The following GNA14 variants were observed in gnomAD, a reference collection of about 807,000 sequenced individuals.
GNA14 encodes the protein G protein subunit alpha 14, also known as guanine nucleotide-binding protein subunit alpha-14.
GNA14 carries 50 observed loss-of-function variants against 42.0 expected under a neutral mutation model. The observed-to-expected ratio is 1.19, with a 90% CI of 0.95 to 1.51. The LOEUF (loss-of-function observed/expected upper bound fraction) is 1.51, where lower values mean the gene tolerates loss of function less well. GNA14 is among the 40% of genes most tolerant of loss of function. GNA14 has a pLI of 0.00. For synonymous variants in GNA14, 173 were observed against 163.1 expected (o/e 1.06, Z -0.46); for missense variants, 473 against 446.2 (o/e 1.06, Z -0.54).
intron 1 of GNA14, among the ~76,000 whole-genome samples, chr9:77,530,724 C>G (rs781737494): frequency 6.6e-6 from 1 of 152,208 alleles, no homozygotes; most frequent in Admixed American, 6.5e-5. Context: ...ACACACTGAA[C>G]CTCAAACCTC....
chr9:77,507,522 C>T (rs1837091352), intron 2 of GNA14, among the ~76,000 whole-genome samples: 2 of 152,194 alleles, frequency 1.3e-5, no homozygotes, highest in Admixed American at 1.3e-4. Flanking sequence ...CAACTGAACC[C>T]CCGAGCATCA....
intron 2 of GNA14, among the ~76,000 whole-genome samples, chr9:77,452,734 A>T (rs1224576350): frequency 7.7e-6 from 1 of 130,238 alleles, no homozygotes; most frequent in Non-Finnish European, 1.7e-5. Flanking sequence ...CAAAATCCAT[A>T]CGTTGAACTC....
intron 1 of GNA14, among the ~76,000 whole-genome samples, chr9:77,645,627 C>T (rs958756528): frequency 1.3e-5 from 2 of 152,124 alleles, no homozygotes; most frequent in Non-Finnish European, 2.9e-5. Context: ...AGAAGACCCT[C>T]GGGTCACCCT....
chr9:77,593,224 C>T (rs770552326), intron 1 of GNA14, among the ~76,000 whole-genome samples: 1 of 152,126 alleles, frequency 6.6e-6, no homozygotes, highest in Non-Finnish European at 1.5e-5. Context: ...ATGTTATTCC[C>T]TTAGAATCAC....
intron 1 of GNA14, among the ~76,000 whole-genome samples, chr9:77,564,264 T>C (rs559645131): frequency 2.0e-5 from 3 of 150,558 alleles, no homozygotes; most frequent in African/African-American, 4.9e-5. Context: ...TTTGATTCAA[T>C]TGATCTGCAG....
intron 1 of GNA14, among the ~76,000 whole-genome samples, chr9:77,558,398 CCTTT>C: frequency 6.6e-6 from 1 of 152,192 alleles, no homozygotes; most frequent in South Asian, 2.1e-4. Flanking sequence ...TTGCTTCAAA[CCTTT>C]ATTTTGAAGA....
chr9:77,448,276 T>A (rs1260059823), intron 2 of GNA14, among the ~76,000 whole-genome samples: 1 of 152,228 alleles, frequency 6.6e-6, no homozygotes, highest in Admixed American at 6.5e-5. Context: ...TCATGATGGT[T>A]TGACTGAACG....
intron 1 of GNA14, among the ~76,000 whole-genome samples, chr9:77,542,770 G>A (rs572123846): frequency 6.6e-6 from 1 of 152,338 alleles, no homozygotes; most frequent in South Asian, 2.1e-4. Flanking sequence ...CCCAACCTCA[G>A]ACCCTGGGAG....
At chr9:77,642,630 G>A (rs1473998644) in intron 1 of GNA14, among the ~76,000 whole-genome samples, 2 of 152,012 alleles carry the variant, frequency 1.3e-5, no homozygotes, top group East Asian at 1.9e-4. Flanking sequence ...TTAGCTGGGC[G>A]TGGTAGTGGA....
chr9:77,512,611 T>C (rs1837188818), intron 2 of GNA14, among the ~76,000 whole-genome samples: 1 of 152,242 alleles, frequency 6.6e-6, no homozygotes, highest in African/African-American at 2.4e-5. Context: ...TTATGTATTC[T>C]TTATCAAAGG....
At chr9:77,527,380 T>C (rs1837456441) in intron 2 of GNA14, among the ~76,000 whole-genome samples, 1 of 152,236 alleles carries the variant, frequency 6.6e-6, no homozygotes, top group African/African-American at 2.4e-5. Flanking sequence ...AGATATACCA[T>C]AGGCCAAGCT....
intron 1 of GNA14, among the ~76,000 whole-genome samples, chr9:77,611,506 GGA>G (rs1028751950): frequency 1.3e-5 from 2 of 152,158 alleles, no homozygotes; most frequent in African/African-American, 4.8e-5. Flanking sequence ...ATCTTTGAAA[GGA>G]GAGTCCCTAA....
chr9:77,645,882 A>G lies in GNA14; in HGVS notation c.124+1788T>C, dbSNP rs1198952252. On this transcript the variant is annotated intron_variant, in intron 1 of 6. Coordinates refer to ENST00000341700, the MANE Select transcript of GNA14 (RefSeq NM_004297.4). ...GAAATAGGGTTCAGCCTGCCCTTATAAAGAAAAAAGTTACATACGCAACTA... is the reference window on the plus strand; with the variant it reads ...GAAATAGGGTTCAGCCTGCCCTTATGAAGAAAAAAGTTACATACGCAACTA... 2.0e-5 allele frequency among the ~76,000 whole-genome samples: 3 copies of G among 152,156 alleles called. 1 individual carries two copies. The highest frequency in any genetic ancestry group is 2.0e-4 in the Admixed American group (3 of 15,284).
intron 1 of GNA14, among the ~76,000 whole-genome samples, chr9:77,569,299 G>A (rs1161370930): frequency 6.6e-6 from 1 of 152,078 alleles, no homozygotes; most frequent in Non-Finnish European, 1.5e-5. Context: ...GGGGGCAGGG[G>A]GATGCAGTCC....
intron 2 of GNA14, among the ~76,000 whole-genome samples, chr9:77,483,292 G>A (rs559856546): frequency 1.3e-5 from 2 of 152,322 alleles, no homozygotes; most frequent in South Asian, 4.1e-4. Flanking sequence ...CTCAGCTGCA[G>A]GTCTGTTGGA....
intron 2 of GNA14, among the ~76,000 whole-genome samples, chr9:77,501,182 T>C (rs1214193593): frequency 3.3e-5 from 5 of 152,166 alleles, no homozygotes; most frequent in African/African-American, 1.2e-4. Flanking sequence ...TTCAAACTCC[T>C]GATCTCAAGT....
chr9:77,507,093 T>A (rs1837083622), intron 2 of GNA14, among the ~76,000 whole-genome samples: 1 of 152,214 alleles, frequency 6.6e-6, no homozygotes, highest in Non-Finnish European at 1.5e-5. Context: ...CCACAAGATA[T>A]CTCTAGTCAC....
At chr9:77,624,665 C>G (rs1276187190) in intron 1 of GNA14, among the ~76,000 whole-genome samples, 1 of 152,160 alleles carries the variant, frequency 6.6e-6, no homozygotes, top group Non-Finnish European at 1.5e-5. Flanking sequence ...CTCCAGCAGA[C>G]CTGCAGCAGA....
At chr9:77,487,728 T>C (rs1836684967) in intron 2 of GNA14, among the ~76,000 whole-genome samples, 4 of 152,198 alleles carry the variant, frequency 2.6e-5, no homozygotes, top group Admixed American at 2.6e-4. Flanking sequence ...GAATTGTGGG[T>C]AAATAGCAGT....
Sources: allele counts gnomAD v4.1 joint callset (sites outside exome capture counted in the v4.1 genomes callset), GRCh38; gene constraint gnomAD v4.1.1; transcripts MANE v1.5; gene names NCBI Gene and HGNC (gene_info 2026-07-23, HGNC 2026-07-21).